DAOA: variants seen among roughly 807,000 people sequenced by gnomAD.
DAOA encodes D-amino acid oxidase regulator.
In DAOA, 15 loss-of-function variants were observed where a neutral mutation model predicts 16.4. The observed-to-expected ratio is 0.91, with a 90% CI of 0.61 to 1.41. DAOA has a LOEUF of 1.41. DAOA is among the 40% of genes most tolerant of loss of function. DAOA has a pLI of 0.00. For missense variants in DAOA, 230 were observed against 176.8 expected, an observed-to-expected ratio of 1.30 and a Z score of -1.71; for synonymous variants, 75 against 59.1, an observed-to-expected ratio of 1.27 and a Z score of -1.23.
intron 4 of DAOA, among the ~76,000 whole-genome samples, chr13:105,475,333 T>G (rs1877256593): frequency 6.6e-6 from 1 of 152,198 alleles, no homozygotes; most frequent in Admixed American, 6.6e-5. Context: ...GAAGTGTTAT[T>G]GTTCCCAGAT....
At chr13:105,466,187 T>TTTA (rs1374144210) in intron 1 of DAOA, 29 bp from the exon 2 acceptor site, 20 of 1,563,670 alleles carry the variant, frequency 1.3e-5, no homozygotes, top group Non-Finnish European at 1.7e-5. Context: ...AAAAGCTTAC[T>TTTA]AGTGTATATG....
At chr13:105,475,800 A>G (rs894435884) in intron 4 of DAOA, among the ~76,000 whole-genome samples, 2 of 152,188 alleles carry the variant, frequency 1.3e-5, no homozygotes, top group African/African-American at 4.8e-5. Flanking sequence ...TTAATATGGA[A>G]ATACTCTCAA....
At chr13:105,469,592 G>A (rs1876783595) in intron 3 of DAOA, among the ~76,000 whole-genome samples, 1 of 152,168 alleles carries the variant, frequency 6.6e-6, no homozygotes, top group African/African-American at 2.4e-5. Context: ...TCACATCGTT[G>A]TGAGAGTTTA....
Position 105,466,341 on chromosome 13 carries a change from C to T in DAOA, c.44+9C>T. 6.2e-7 allele frequency: 1 copy of T among 1,613,868 alleles called. No individual in the cohort carries two copies. Among genetic ancestry groups the T allele is most frequent in the Non-Finnish European group, 8.5e-7 (1 of 1,179,896 alleles). On this transcript the variant is annotated intron_variant, in intron 2 of 5. Transcript: ENST00000375936. Reference sequence around the variant, plus strand: ...TCTCTCCAGCTTTTCAGGTAGGTAGCTTGGGGTTTTTTACAGCATGGCGGC... The same window carrying T: ...TCTCTCCAGCTTTTCAGGTAGGTAGTTTGGGGTTTTTTACAGCATGGCGGC...
At chr13:105,475,322 G>T (rs1221854268) in intron 4 of DAOA, among the ~76,000 whole-genome samples, 1 of 152,128 alleles carries the variant, frequency 6.6e-6, no homozygotes, top group Non-Finnish European at 1.5e-5. Context: ...TGTTCAAAAA[G>T]GAAGTGTTAT....
chr13:105,466,173 A>C, intron 1 of DAOA, 43 bp from the exon 2 acceptor site: 1 of 1,510,200 alleles, frequency 6.6e-7, no homozygotes, highest in Non-Finnish European at 8.9e-7. Flanking sequence ...TAGTGGCTTA[A>C]AGTAAAAGCT....
rs1877985285 is a variant in DAOA, at chr13:105,484,652, T to C, written c.282-5249T>C. Among the ~76,000 whole-genome samples, 3 of 152,176 alleles carry C rather than the reference T, an allele frequency of 2.0e-5. No individual in the cohort carries two copies. In the South Asian group the frequency reaches 6.2e-4, roughly 31 times the overall value. On this transcript the variant is annotated intron_variant, in intron 4 of 5. Transcript: ENST00000375936. ...ATCAAGTGATTTTAATGTTATATAT[T>C]AAATTTGAATTTTGAAACCTCACTA...
intron 4 of DAOA, among the ~76,000 whole-genome samples, chr13:105,488,882 T>C (rs1245621357): frequency 6.6e-6 from 1 of 152,200 alleles, no homozygotes; most frequent in Non-Finnish European, 1.5e-5. Context: ...TCAATCAACA[T>C]GGCTTGACTG....
chr13:105,470,975 A>G (rs1002941920), intron 3 of DAOA, among the ~76,000 whole-genome samples: 22 of 152,080 alleles, frequency 1.4e-4, no homozygotes, highest in Admixed American at 2.6e-4. Flanking sequence ...TTTTTAGTAC[A>G]GATGGGGTTT....
At chr13:105,474,390 T>C (rs1016805693) in intron 4 of DAOA, among the ~76,000 whole-genome samples, 9 of 152,032 alleles carry the variant, frequency 5.9e-5, no homozygotes, top group African/African-American at 2.2e-4. Flanking sequence ...GTGTGTATTT[T>C]AAGAACATGA....
intron 3 of DAOA, among the ~76,000 whole-genome samples, chr13:105,469,690 T>C (rs962752997): frequency 1.3e-5 from 2 of 152,190 alleles, no homozygotes; most frequent in Admixed American, 6.5e-5. Context: ...AATGGTCTTT[T>C]TGGTAGCATT....
chr13:105,472,696 T>C lies in DAOA; in HGVS notation c.281+11T>C. ...TCAGCCCTATGCAGAGTATGTATCT[T>C]CTTCATTTTAAACTTTTAACCAGGA... On this transcript the variant is annotated intron_variant, in intron 4 of 5. Transcript: ENST00000375936. 6.3e-7 allele frequency: 1 copy of C among 1,589,098 alleles called. No individual in the cohort carries two copies. Among genetic ancestry groups the C allele is most frequent in the Non-Finnish European group, 8.6e-7 (1 of 1,168,590 alleles).
intron 4 of DAOA, among the ~76,000 whole-genome samples, chr13:105,482,495 C>T (rs923651120): frequency 5.3e-5 from 8 of 150,616 alleles, no homozygotes; most frequent in Non-Finnish European, 1.2e-4. Flanking sequence ...TCTGCTTTGA[C>T]CTTGGTGTAA....
At chr13:105,479,997 G>A (rs949773562) in intron 4 of DAOA, among the ~76,000 whole-genome samples, 2 of 152,110 alleles carry the variant, frequency 1.3e-5, no homozygotes, top group Admixed American at 6.6e-5. Context: ...GTCTTCTTTA[G>A]CAGAAGCCTT....
intron 2 of DAOA, 43 bp downstream of exon 2, chr13:105,466,375 A>C (rs748213744): frequency 6.2e-7 from 1 of 1,613,422 alleles, no homozygotes; most frequent in Admixed American, 1.7e-5. Context: ...GCCTCAGTGC[A>C]ATGTGACATT....
At chr13:105,470,059 T>G (rs1876819968) in intron 3 of DAOA, among the ~76,000 whole-genome samples, 1 of 152,108 alleles carries the variant, frequency 6.6e-6, no homozygotes. Flanking sequence ...ATCTACTTTT[T>G]TTTTGTCCCC....
chr13:105,466,748 A>T (rs1876546259), intron 2 of DAOA, among the ~76,000 whole-genome samples: 1 of 152,124 alleles, frequency 6.6e-6, no homozygotes, highest in Non-Finnish European at 1.5e-5. Flanking sequence ...GTTAAAAGGG[A>T]GAGGCGCTAG....
chr13:105,490,157 C>A lies in DAOA; in HGVS notation c.*76C>A. 3 of 1,472,952 alleles carry A rather than the reference C, an allele frequency of 2.0e-6. No homozygotes were observed. The highest frequency in any genetic ancestry group is 1.8e-6 in the Non-Finnish European group (2 of 1,106,792). 91.2% of individuals were successfully genotyped at this position (1,472,952 alleles called of 1,614,324 possible). A position where few individuals can be genotyped will look rare whatever the true frequency, so the allele number is the denominator to read the frequency against. On this transcript the variant is annotated 3_prime_UTR_variant, in exon 5 of 6. Coordinates refer to ENST00000375936, the MANE Select transcript of DAOA (RefSeq NM_172370.5). ...GGCCAACATCTTCACTGGACTCTGA[C>A]GGACTCTGTGTCTGGGACCCAGCTG...
chr13:105,485,741 G>C (rs1878058352), intron 4 of DAOA, among the ~76,000 whole-genome samples: 1 of 152,086 alleles, frequency 6.6e-6, no homozygotes, highest in Non-Finnish European at 1.5e-5. Context: ...GAGAAGAGAA[G>C]GTGAAGACAT....
Sources: allele counts gnomAD v4.1 joint callset (sites outside exome capture counted in the v4.1 genomes callset), GRCh38; gene constraint gnomAD v4.1.1; transcripts MANE v1.5; gene names NCBI Gene and HGNC (gene_info 2026-07-23, HGNC 2026-07-21).